Variants in JUP observed in about 807,000 individuals in gnomAD.
The protein encoded by JUP is catenin (cadherin-associated protein), gamma 80kDa.
JUP carries 28 observed loss-of-function variants against 71.1 expected under a neutral mutation model. That is an observed-to-expected ratio of 0.39 (90% CI 0.29 to 0.54). The LOEUF is 0.54. JUP is among the 20% of genes least tolerant of loss of function. The pLI is 0.62. For missense variants in JUP, 869 were observed against 1,030.1 expected (o/e 0.84, Z 2.14); for synonymous variants, 401 against 438.9 (o/e 0.91, Z 1.08).
chr17:41,760,506 C>T (rs1158995793), intron 8 of JUP, among the ~76,000 whole-genome samples: 2 of 151,916 alleles, frequency 1.3e-5, no homozygotes, highest in East Asian at 3.9e-4. Context: ...GATCCACACG[C>T]CTCGGCCTCC....
chr17:41,783,857 T>C (rs1347653819), intron 1 of JUP, among the ~76,000 whole-genome samples: 6 of 130,852 alleles, frequency 4.6e-5, no homozygotes, highest in African/African-American at 1.8e-4. Context: ...AGGCGGAGGT[T>C]GCAGTGAGCC....
Position 41,757,873 on chromosome 17 carries a change from C to T in JUP, c.1774-89G>A, listed in dbSNP as rs1253188419. On this transcript the variant is annotated intron_variant, in intron 10 of 13. Transcript: ENST00000393931. ...CACCCCACAGCACTGCCCACCTCCA[C>T]CCTGTAGCAATTCCATAGTGGAAAA... 5.3e-6 allele frequency: 6 copies of T among 1,121,768 alleles called. No individual in the cohort carries two copies. In the African/African-American group the frequency reaches 9.4e-5, roughly 18 times the overall value. The allele number at this position is 1,121,768 out of a possible 1,614,324, so 69.5% of individuals were successfully genotyped here.
rs200222165 is a variant in JUP, at chr17:41,755,726, G to A, written c.*18C>T. 48 of 1,558,516 alleles carry A rather than the reference G, an allele frequency of 3.1e-5. No individual in the cohort carries two copies. The African/African-American group carries it at 4.6e-4, about 15-fold the overall frequency. ...AGGAAAAGCCTGCAAAGAGGGGGCCGTACTGGGGCCAGGCCGCCTAGGCCA... is the reference window on the plus strand; with the variant it reads ...AGGAAAAGCCTGCAAAGAGGGGGCCATACTGGGGCCAGGCCGCCTAGGCCA... On this transcript the variant is annotated 3_prime_UTR_variant, in exon 14 of 14. Coordinates refer to ENST00000393931, the MANE Select transcript of JUP (RefSeq NM_002230.4).
intron 5 of JUP, among the ~76,000 whole-genome samples, chr17:41,766,092 T>G (rs1464226051): frequency 6.6e-6 from 1 of 151,966 alleles, no homozygotes; most frequent in African/African-American, 2.4e-5. Context: ...AATTTAAAAC[T>G]TAGCCCGGGT....
chr17:41,763,799 G>A (rs1326704949), intron 7 of JUP, among the ~76,000 whole-genome samples: 3 of 152,192 alleles, frequency 2.0e-5, no homozygotes, highest in African/African-American at 7.2e-5. Flanking sequence ...CCACCCTGGG[G>A]CCCTGAGCCA....
In JUP at chr17:41,763,329, G is replaced by T. The variant is rs1457861232; in HGVS notation, c.1159-8C>A. ...CACACTCTCCAGGCCCTCCTGGAGGGCAAGGAAGGGACGGGGGAGTCAGGG... is the reference window on the plus strand; with the variant it reads ...CACACTCTCCAGGCCCTCCTGGAGGTCAAGGAAGGGACGGGGGAGTCAGGG... On this transcript the variant is annotated splice_region_variant and splice_polypyrimidine_tract_variant and intron_variant, in intron 7 of 13. Coordinates refer to ENST00000393931, the MANE Select transcript of JUP (RefSeq NM_002230.4). The T allele has an allele frequency of 3.7e-6, 6 of 1,609,486 alleles. No homozygotes were observed. In the African/African-American group the frequency reaches 8.0e-5, roughly 22 times the overall value.
At chr17:41,771,942 C>T (rs1916725175) in intron 1 of JUP, 80 bp from the exon 2 acceptor site, 1 of 1,159,952 alleles carries the variant, frequency 8.6e-7, no homozygotes, top group Non-Finnish European at 1.3e-6. Flanking sequence ...CCAAGCCCCG[C>T]CTGTCTTCCC....
intron 12 of JUP, among the ~76,000 whole-genome samples, chr17:41,756,769 G>A (rs565544557): frequency 5.9e-5 from 9 of 151,710 alleles, no homozygotes; most frequent in Admixed American, 2.6e-4. Context: ...GTGTGGTAGC[G>A]TGCACCTGTA....
Position 41,758,589 on chromosome 17 carries a change from C to T in JUP, c.1654-71G>A, listed in dbSNP as rs1213062081. On this transcript the variant is annotated intron_variant, in intron 9 of 13. Coordinates refer to ENST00000393931, the MANE Select transcript of JUP (RefSeq NM_002230.4). Reference sequence around the variant, plus strand: ...GGCCACAACTCCTCCCCATGACAGCCGAATGAACTTCACAGGTTCTTGGAA... The same window carrying T: ...GGCCACAACTCCTCCCCATGACAGCTGAATGAACTTCACAGGTTCTTGGAA... 22 of 1,583,878 alleles carry T rather than the reference C, an allele frequency of 1.4e-5. No individual in the cohort carries two copies. In the African/African-American group the frequency reaches 1.6e-4, roughly 12 times the overall value.
intron 12 of JUP, 91 bp downstream of exon 12, chr17:41,757,324 T>C (rs1913986379): frequency 3.7e-6 from 5 of 1,347,012 alleles, no homozygotes; most frequent in Non-Finnish European, 5.3e-6. Context: ...ATCTATGAAG[T>C]TGACAGTAGT....
intron 1 of JUP, among the ~76,000 whole-genome samples, chr17:41,782,777 C>A (rs553926084): frequency 6.6e-6 from 1 of 152,284 alleles, no homozygotes; most frequent in Admixed American, 6.5e-5. Context: ...GAATTCTCTT[C>A]TCCCCAGTCA....
At position 41,771,876 on chromosome 17, in the gene JUP, G is replaced by A. The variant is rs886984815; in HGVS notation, c.-8-14C>T. 1 of 1,594,764 alleles carries A rather than the reference G, an allele frequency of 6.3e-7. No individual in the cohort carries two copies. Among genetic ancestry groups the A allele is most frequent in the Admixed American group, 1.8e-5 (1 of 56,458 alleles). On this transcript the variant is annotated splice_polypyrimidine_tract_variant and intron_variant, in intron 1 of 13. Coordinates refer to ENST00000393931, the MANE Select transcript of JUP (RefSeq NM_002230.4). ...CCATCGTGGCTACTGGGGGCACAAA[G>A]GAGGAAGTCAGGAAGCAGGAAGTCA...
At chr17:41,784,012 C>A (rs880001391) in intron 1 of JUP, among the ~76,000 whole-genome samples, 1 of 151,782 alleles carries the variant, frequency 6.6e-6, no homozygotes, top group Non-Finnish European at 1.5e-5. Context: ...TCCCATTTTG[C>A]CAAAGAGGTC....
At chr17:41,764,567 G>T (rs1555603097) in intron 7 of JUP, 146 bp downstream of exon 7, 7 of 607,964 alleles carry the variant, frequency 1.2e-5, no homozygotes. Context: ...AGAGATGAGG[G>T]TTTTCAAGGC....
chr17:41,755,778 G>T lies in JUP; in HGVS notation c.2204C>A (p.Pro735His). ...CATGTGGTCTGCAGTGGGGTACGGG[G>T]GCCTGAGGCCGTCGCTGTAGGTGTC... The part of the protein sequence containing the change: ...PIDTYSDGLR[P>H]PYPTADHMLA Residue 735 changes from proline to histidine, a missense_variant, in exon 14 of 14, where the codon CCC (proline) becomes CAC (histidine). Pro to His is a moderately conservative substitution (Grantham distance 77). Transcript: ENST00000393931. The T allele has an allele frequency of 6.2e-7, 1 of 1,611,154 alleles. No individual in the cohort carries two copies. Among genetic ancestry groups the T allele is most frequent in the Non-Finnish European group, 8.5e-7 (1 of 1,178,482 alleles).
chr17:41,763,670 G>A (rs1373346876), intron 7 of JUP, among the ~76,000 whole-genome samples: 5 of 152,238 alleles, frequency 3.3e-5, no homozygotes, highest in South Asian at 2.1e-4. Context: ...GCCAAAGTAC[G>A]GTGGCCAAGG....
rs1309608615 is a variant in JUP at position 41,755,101 on chromosome 17, C to G, written c.*643G>C. On this transcript the variant is annotated 3_prime_UTR_variant, in exon 14 of 14. Transcript: ENST00000393931. ...GTGGAGTTCAGTGAGAAAATCAGAC[C>G]CAGAGAAGGAACCAAAGCCCTTCCG... 5.1e-5 allele frequency: 20 copies of G among 395,196 alleles called. No homozygotes were observed. The highest frequency in any genetic ancestry group is 8.9e-5 in the Non-Finnish European group (20 of 224,372). 24.5% of individuals were successfully genotyped at this position (395,196 alleles called of 1,614,324 possible). A position where few individuals can be genotyped will look rare whatever the true frequency, so the allele number is the denominator to read the frequency against.
At chr17:41,756,825 G>A (rs56281748) in intron 12 of JUP, among the ~76,000 whole-genome samples, 36,942 of 151,936 alleles carry the variant, frequency 0.24, 5,116 homozygotes, top group African/African-American at 0.37. Context: ...GCTTGAAACC[G>A]GGAGGCGGAG....
intron 1 of JUP, among the ~76,000 whole-genome samples, chr17:41,776,428 G>A (rs1051430619): frequency 1.3e-5 from 2 of 152,230 alleles, no homozygotes; most frequent in African/African-American, 2.4e-5. Flanking sequence ...CAGAGGAGGC[G>A]GAAGCCAGCT....
Sources: allele counts gnomAD v4.1 joint callset (sites outside exome capture counted in the v4.1 genomes callset), GRCh38; gene constraint gnomAD v4.1.1; transcripts MANE v1.5; gene names NCBI Gene and HGNC (gene_info 2026-07-23, HGNC 2026-07-21).